The following FOXO1 variants were observed in gnomAD, a reference collection of about 807,000 sequenced individuals.
FOXO1 encodes the protein forkhead box O1.
FOXO1 carries 6 observed loss-of-function variants against 44.1 expected under a neutral mutation model. The observed-to-expected ratio is 0.14, with a 90% CI of 0.07 to 0.27. The LOEUF is 0.27. Among genes scored for constraint, FOXO1 ranks in the 10% least tolerant of loss-of-function variants. The pLI is 1.00. For synonymous variants in FOXO1, 380 were observed against 362.7 expected, an observed-to-expected ratio of 1.05 and a Z score of -0.54; for missense variants, 737 against 888.8, an observed-to-expected ratio of 0.83 and a Z score of 2.17.
chr13:40,602,153 A>G (rs969488730), intron 1 of FOXO1, among the ~76,000 whole-genome samples: 14 of 152,330 alleles, frequency 9.2e-5, no homozygotes, highest in African/African-American at 3.4e-4. Context: ...TAGCCAATCT[A>G]TGCCTTAATT....
intron 1 of FOXO1, among the ~76,000 whole-genome samples, chr13:40,603,353 CAAA>C (rs60741629): frequency 0.011 from 791 of 73,950 alleles, 7 homozygotes; most frequent in African/African-American, 0.035. Context: ...CAGATGAATC[CAAA>C]AAAAAAAAAA....
At chr13:40,611,171 AG>A in intron 1 of FOXO1, 1 of 399,772 alleles carries the variant, frequency 2.5e-6, no homozygotes, top group Non-Finnish European at 5.0e-6. Flanking sequence ...CAGAACAATG[AG>A]TTTTGTTCTA....
chr13:40,653,487 G>A (rs1877751922), intron 1 of FOXO1, among the ~76,000 whole-genome samples: 1 of 152,038 alleles, frequency 6.6e-6, no homozygotes, highest in African/African-American at 2.4e-5. Flanking sequence ...TGAAAGGAGA[G>A]GGCCGAAACA....
chr13:40,634,465 T>C (rs1291445812), intron 1 of FOXO1, among the ~76,000 whole-genome samples: 1 of 152,132 alleles, frequency 6.6e-6, no homozygotes, highest in Non-Finnish European at 1.5e-5. Context: ...TCCAAGTGTA[T>C]TAGTAAGAAA....
chr13:40,580,837 C>A (rs1207825744), intron 1 of FOXO1, among the ~76,000 whole-genome samples: 2 of 152,178 alleles, frequency 1.3e-5, no homozygotes, highest in African/African-American at 4.8e-5. Flanking sequence ...CACAATCAAG[C>A]AAAATAAGTT....
intron 1 of FOXO1, among the ~76,000 whole-genome samples, chr13:40,647,219 T>TAA (rs1373071601): frequency 1.3e-5 from 2 of 152,190 alleles, no homozygotes; most frequent in Non-Finnish European, 2.9e-5. Flanking sequence ...CTCATCCTCC[T>TAA]TTAACTTGTG....
At chr13:40,616,470 C>T (rs1876427339) in intron 1 of FOXO1, among the ~76,000 whole-genome samples, 4 of 152,046 alleles carry the variant, frequency 2.6e-5, no homozygotes, top group Admixed American at 1.3e-4. Context: ...AAGGATGAGA[C>T]GATGCTCATC....
Position 40,637,973 on chromosome 13 carries a change from C to T in FOXO1, c.630+27610G>A, listed in dbSNP as rs548174149. Among the ~76,000 whole-genome samples the T allele has an allele frequency of 3.9e-5, 6 of 152,326 alleles. No individual in the cohort carries two copies. In the South Asian group the frequency reaches 1.2e-3, roughly 32 times the overall value. ...AGACTAAGATACTGGAGGCACCACA[C>T]TTAGGGTCATTTGCAAGCTGTAGTA... On this transcript the variant is annotated intron_variant, in intron 1 of 2. Coordinates refer to ENST00000379561, the MANE Select transcript of FOXO1 (RefSeq NM_002015.4).
intron 1 of FOXO1, among the ~76,000 whole-genome samples, chr13:40,612,826 G>C (rs1566075525): frequency 1.3e-5 from 2 of 152,118 alleles, no homozygotes; most frequent in Non-Finnish European, 2.9e-5. Flanking sequence ...TAGGTATGTA[G>C]GTATAGGGAA....
At chr13:40,619,403 G>C in intron 1 of FOXO1, 1 of 827,078 alleles carries the variant, frequency 1.2e-6, no homozygotes, top group Non-Finnish European at 2.0e-6. Context: ...ACCTTTCGGG[G>C]CACAGGAAAT....
At chr13:40,651,979 G>A (rs1877702112) in intron 1 of FOXO1, among the ~76,000 whole-genome samples, 2 of 152,176 alleles carry the variant, frequency 1.3e-5, no homozygotes, top group Admixed American at 1.3e-4. Flanking sequence ...TCCACAGGAA[G>A]CTTTCCCATT....
intron 1 of FOXO1, among the ~76,000 whole-genome samples, chr13:40,627,154 G>A (rs998992609): frequency 1.3e-5 from 2 of 151,998 alleles, no homozygotes; most frequent in Non-Finnish European, 2.9e-5. Flanking sequence ...CCCCAACCAC[G>A]GCTTCCACCA....
intron 1 of FOXO1, among the ~76,000 whole-genome samples, chr13:40,655,599 T>C (rs1877831153): frequency 6.6e-6 from 1 of 150,826 alleles, no homozygotes; most frequent in South Asian, 2.1e-4. Flanking sequence ...TCTGCTTCTA[T>C]AGGGATAAAT....
Position 40,560,460 on chromosome 13 carries a change from T to G in FOXO1, c.1031A>C (p.His344Pro). Residue 344 changes from histidine to proline, a missense_variant, in exon 2 of 3, where the codon CAT becomes CCT. Transcript: ENST00000379561. This position sits in a 1 kb window ranked among gnomAD's most constrained non-coding sequence, Gnocchi z 5.1. ...EQDDLGEGDV[H>P]SMVYPPSAAK... ...GGCAGATGGCGGGTACACCATAGAATGCACATCCCCTTCTCCAAGATCATC... is the reference window on the plus strand; with the variant it reads ...GGCAGATGGCGGGTACACCATAGAAGGCACATCCCCTTCTCCAAGATCATC... 6.2e-7 allele frequency: 1 copy of G among 1,614,196 alleles called. No individual in the cohort carries two copies.
chr13:40,666,050 C>T lies in FOXO1; in HGVS notation c.163G>A (p.Ala55Thr). 1 of 1,304,102 alleles carries T rather than the reference C, an allele frequency of 7.7e-7. No individual in the cohort carries two copies. The allele number at this position is 1,304,102 out of a possible 1,614,324, so 80.8% of individuals were successfully genotyped here. A position where few individuals can be genotyped will look rare whatever the true frequency, so the allele number is the denominator to read the frequency against. ...GCCGAGGCCGAGGGCAGGCCCGCCG[C>T]GGCGTCGGGGTTGGCAGCCGCGCTG... ...SGSAAANPDA[A>T]AGLPSASAAA... The change falls in exon 1 of 3, where the codon GCG becomes ACG. Residue 55 changes from alanine (A) to threonine (T), a missense_variant. By Grantham distance (58) the Ala-to-Thr change is moderately conservative. Around this residue, in one of 7 missense-constraint regions of FOXO1, gnomAD observed 213 missense variants for 236.4 expected, o/e 0.90. Coordinates refer to ENST00000379561, the MANE Select transcript of FOXO1 (RefSeq NM_002015.4).
chr13:40,592,761 C>T (rs1391015588), intron 1 of FOXO1, among the ~76,000 whole-genome samples: 1 of 152,174 alleles, frequency 6.6e-6, no homozygotes, highest in Non-Finnish European at 1.5e-5. Context: ...TAATCCCAAT[C>T]CCTATTTTCC....
At chr13:40,573,314 T>C (rs754464238) in intron 1 of FOXO1, among the ~76,000 whole-genome samples, 13 of 152,106 alleles carry the variant, frequency 8.5e-5, no homozygotes, top group Non-Finnish European at 1.3e-4. Flanking sequence ...TTAAATGCAG[T>C]CTCAGGTCAA....
At chr13:40,657,405 A>G (rs9532577) in intron 1 of FOXO1, among the ~76,000 whole-genome samples, 62,285 of 146,290 alleles carry the variant, frequency 0.43, 14,198 homozygotes, top group East Asian at 0.74. Context: ...CGCAACCTCC[A>G]CCCCTCCAAC....
At chr13:40,665,062 C>T (rs1878179193) in intron 1 of FOXO1, among the ~76,000 whole-genome samples, 1 of 151,826 alleles carries the variant, frequency 6.6e-6, no homozygotes. Flanking sequence ...CGTCCCCGGC[C>T]GGTCGCGCCC....
Sources: allele counts gnomAD v4.1 joint callset (sites outside exome capture counted in the v4.1 genomes callset), GRCh38; gene constraint gnomAD v4.1.1; regional missense constraint gnomAD v4.1.1; non-coding constraint Gnocchi (gnomAD v3.1); transcripts MANE v1.5; gene names NCBI Gene and HGNC (gene_info 2026-07-23, HGNC 2026-07-21).